The following PRKD1 variants were observed in gnomAD, a reference collection of about 807,000 sequenced individuals.
The protein encoded by PRKD1 is protein kinase D1.
A neutral mutation model predicts 95.9 loss-of-function variants in PRKD1; 63 were observed. The observed-to-expected ratio is 0.66, with a 90% CI of 0.54 to 0.81. The LOEUF is 0.81. Among genes scored for constraint, PRKD1 ranks in the 30% least tolerant of loss-of-function variants. The pLI, the probability that PRKD1 is intolerant of heterozygous loss-of-function variation, is 0.00. For missense variants in PRKD1, 1,048 were observed against 1,165.3 expected (o/e 0.90, Z 1.47); for synonymous variants, 425 against 423.1 (o/e 1.00, Z -0.05).
At chr14:29,595,881 G>T (rs1225225721) in intron 16 of PRKD1, among the ~76,000 whole-genome samples, 1 of 152,224 alleles carries the variant, frequency 6.6e-6, no homozygotes, top group African/African-American at 2.4e-5. Context: ...AAGCATAATG[G>T]TTAGCTGTAT....
intron 1 of PRKD1, among the ~76,000 whole-genome samples, chr14:29,851,093 T>A (rs116456004): frequency 0.012 from 1,883 of 152,142 alleles, 43 homozygotes; most frequent in African/African-American, 0.043. Context: ...GATTAAAGAC[T>A]TAAATATAAA....
chr14:29,884,149 A>G (rs1255660609), intron 1 of PRKD1, among the ~76,000 whole-genome samples: 1 of 152,244 alleles, frequency 6.6e-6, no homozygotes, highest in Non-Finnish European at 1.5e-5. Flanking sequence ...AAGGCTACAG[A>G]TGAAAATATC....
intron 1 of PRKD1, among the ~76,000 whole-genome samples, chr14:29,815,666 A>G (rs753614089): frequency 2.6e-5 from 4 of 152,212 alleles, no homozygotes; most frequent in African/African-American, 7.2e-5. Flanking sequence ...CTAAGTGACT[A>G]TTAAGAATGT....
chr14:29,901,928 T>C (rs1317955717), intron 1 of PRKD1, among the ~76,000 whole-genome samples: 2 of 152,224 alleles, frequency 1.3e-5, no homozygotes, highest in Non-Finnish European at 2.9e-5. Context: ...TCTTTGACTT[T>C]GTACCTCCAA....
At chr14:29,714,743 T>G (rs957128657) in intron 2 of PRKD1, among the ~76,000 whole-genome samples, 1 of 151,936 alleles carries the variant, frequency 6.6e-6, no homozygotes, top group Non-Finnish European at 1.5e-5. Context: ...ATAAAGAAAA[T>G]GTGGCACATA....
chr14:29,797,276 C>T (rs1041550937), intron 1 of PRKD1, among the ~76,000 whole-genome samples: 2 of 152,056 alleles, frequency 1.3e-5, no homozygotes, highest in Non-Finnish European at 2.9e-5. Context: ...TATCAGTATG[C>T]CTTGTAAACA....
intron 1 of PRKD1, among the ~76,000 whole-genome samples, chr14:29,871,779 T>C (rs939474104): frequency 1.3e-5 from 2 of 152,210 alleles, no homozygotes; most frequent in Non-Finnish European, 2.9e-5. Flanking sequence ...CATTGAGTGC[T>C]TGTTTCTTGC....
intron 1 of PRKD1, among the ~76,000 whole-genome samples, chr14:29,883,976 G>A (rs1403964298): frequency 2.0e-5 from 3 of 152,162 alleles, no homozygotes; most frequent in South Asian, 4.1e-4. Context: ...ATTTCAATGA[G>A]AGCATCATCT....
At position 29,646,825 on chromosome 14, in the gene PRKD1, G is replaced by A. The variant is rs539017370; in HGVS notation, c.697-7921C>T. Among the ~76,000 whole-genome samples the A allele has an allele frequency of 5.9e-5, 9 of 151,800 alleles. No individual in the cohort carries two copies. The South Asian group carries it at 1.9e-3, about 32-fold the overall frequency. ...ATATTACCTCTCACACAGGAGTGGG[G>A]ATTTTCCAGCACAGAGCTCTTTGAC... On this transcript the variant is annotated intron_variant, in intron 4 of 17. Transcript: ENST00000331968.
intron 1 of PRKD1, among the ~76,000 whole-genome samples, chr14:29,873,549 T>C (rs1893184852): frequency 6.6e-6 from 1 of 152,220 alleles, no homozygotes; most frequent in Non-Finnish European, 1.5e-5. Flanking sequence ...CAAAATGCTT[T>C]GTACATAACA....
At chr14:29,926,327 T>A (rs1236203486) in intron 1 of PRKD1, among the ~76,000 whole-genome samples, 5 of 152,190 alleles carry the variant, frequency 3.3e-5, no homozygotes, top group Non-Finnish European at 7.3e-5. Context: ...ACGCTGGCTG[T>A]TTACACTAAG....
At chr14:29,889,980 G>A (rs992564776) in intron 1 of PRKD1, among the ~76,000 whole-genome samples, 6 of 152,158 alleles carry the variant, frequency 3.9e-5, no homozygotes, top group Admixed American at 3.9e-4. Context: ...TAGGCTCTGA[G>A]GATACAGAAG....
At chr14:29,714,297 GA>G (rs1885487560) in intron 2 of PRKD1, among the ~76,000 whole-genome samples, 2 of 152,062 alleles carry the variant, frequency 1.3e-5, no homozygotes, top group African/African-American at 4.8e-5. Context: ...AAATATGGGT[GA>G]AGGATATGAA....
In PRKD1 at chr14:29,624,203, T is replaced by G. The variant is rs1255937709; in HGVS notation, c.1854A>C (p.Arg618=). The part of the protein sequence containing the change: ...DVAIKIIDKL[R]FPTKQESQLR... The stretch of plus-strand genomic sequence containing the variant: ...GCTGGCTTTCTTGTTTTGTTGGAAA[T>G]CGTAATTTGTCAATGATTTTAATAG... Residue 618 remains arginine (R), a synonymous_variant, in exon 13 of 18, where the codon CGA becomes CGC. Coordinates refer to ENST00000331968, the MANE Select transcript of PRKD1 (RefSeq NM_002742.3). 18 of 1,605,520 alleles carry G rather than the reference T, an allele frequency of 1.1e-5. No individual in the cohort carries two copies. In the East Asian group the frequency reaches 4.1e-4, roughly 36 times the overall value.
At chr14:29,606,672 T>A (rs535595587) in intron 13 of PRKD1, among the ~76,000 whole-genome samples, 3 of 152,308 alleles carry the variant, frequency 2.0e-5, no homozygotes, top group Admixed American at 1.3e-4. Context: ...CTTCCCTCCA[T>A]GCCAACCCTC....
At chr14:29,927,125 G>A in intron 1 of PRKD1, 124 bp downstream of exon 1, 1 of 1,084,642 alleles carries the variant, frequency 9.2e-7, no homozygotes, top group Non-Finnish European at 1.2e-6. Context: ...CGCTTCCAGA[G>A]CGCCGGCGAG....
At chr14:29,744,116 A>G (rs1368301363) in intron 1 of PRKD1, among the ~76,000 whole-genome samples, 8 of 152,098 alleles carry the variant, frequency 5.3e-5, no homozygotes, top group Non-Finnish European at 1.2e-4. Context: ...TTCTAACTCT[A>G]TCATTGAGCC....
intron 1 of PRKD1, among the ~76,000 whole-genome samples, chr14:29,792,017 T>C (rs1164340578): frequency 6.6e-6 from 1 of 152,150 alleles, no homozygotes; most frequent in Non-Finnish European, 1.5e-5. Context: ...AGTAAATCAT[T>C]TTAATTTTAG....
At chr14:29,689,472 A>C (rs898456880) in intron 2 of PRKD1, among the ~76,000 whole-genome samples, 2 of 152,194 alleles carry the variant, frequency 1.3e-5, no homozygotes, top group African/African-American at 4.8e-5. Flanking sequence ...CAACAAAAAA[A>C]CAAGAAACAA....
Sources: allele counts gnomAD v4.1 joint callset (sites outside exome capture counted in the v4.1 genomes callset), GRCh38; gene constraint gnomAD v4.1.1; transcripts MANE v1.5; gene names NCBI Gene and HGNC (gene_info 2026-07-23, HGNC 2026-07-21).